Variants in EXOC6 observed in about 807,000 individuals in gnomAD.
The protein encoded by EXOC6 is SEC15-like 1.
In EXOC6, 60 loss-of-function variants were observed where a neutral mutation model predicts 112.5. The observed-to-expected ratio is 0.53, with a 90% confidence interval of 0.43 to 0.66. The LOEUF is 0.66. Among genes scored for constraint, EXOC6 ranks in the 30% least tolerant of loss-of-function variants. The pLI is 0.00. For missense variants in EXOC6, 855 were observed against 957.1 expected (o/e 0.89, Z 1.41); for synonymous variants, 295 against 308.0 (o/e 0.96, Z 0.44).
chr10:92,910,589 T>C (rs1850689808), intron 6 of EXOC6, among the ~76,000 whole-genome samples: 1 of 151,878 alleles, frequency 6.6e-6, no homozygotes, highest in Admixed American at 6.6e-5. Flanking sequence ...ATATACATCT[T>C]ACTTAAAAAA....
At chr10:92,961,571 A>G (rs1589920232) in intron 17 of EXOC6, among the ~76,000 whole-genome samples, 3 of 152,200 alleles carry the variant, frequency 2.0e-5, no homozygotes, top group African/African-American at 7.2e-5. Flanking sequence ...AATAAGGGAC[A>G]TGCTACTTTG....
chr10:92,865,666 C>T (rs1002723187), intron 1 of EXOC6, among the ~76,000 whole-genome samples: 7 of 151,794 alleles, frequency 4.6e-5, no homozygotes, highest in East Asian at 3.9e-4. Flanking sequence ...AGGCTGGTCT[C>T]GAACTTCTGG....
At chr10:93,037,144 CT>C (rs745466359) in intron 20 of EXOC6, among the ~76,000 whole-genome samples, 303 of 139,294 alleles carry the variant, frequency 2.2e-3, no homozygotes, top group Admixed American at 3.1e-3. Context: ...TCTTCTTCTA[CT>C]TTTTTTTTTT....
chr10:93,023,261 G>C (rs1291751766), intron 20 of EXOC6, among the ~76,000 whole-genome samples: 1 of 152,130 alleles, frequency 6.6e-6, no homozygotes, highest in Non-Finnish European at 1.5e-5. Flanking sequence ...TAGAGGAGTT[G>C]ATGACAAGTA....
In EXOC6 at chr10:92,850,540, A is replaced by G. The variant is rs572974885; in HGVS notation, c.101+1906A>G. 2.0e-4 allele frequency among the ~76,000 whole-genome samples: 31 copies of G among 152,324 alleles called. No homozygotes were observed. The South Asian group carries it at 6.4e-3, about 32-fold the overall frequency. ...TTTTTTTTCAGGTTTCACGAAGTGA[A>G]GTGTTAATATTGCATTTTTAAAAAC... On this transcript the variant is annotated intron_variant, in intron 1 of 21. Transcript: ENST00000260762.
At chr10:92,952,842 T>A (rs1173136938) in intron 15 of EXOC6, among the ~76,000 whole-genome samples, 2 of 152,176 alleles carry the variant, frequency 1.3e-5, no homozygotes, top group African/African-American at 4.8e-5. Context: ...CTTTATCCAA[T>A]CCAACATTGC....
At chr10:92,896,081 G>GTC (rs1564809515) in intron 4 of EXOC6, among the ~76,000 whole-genome samples, 1 of 84,412 alleles carries the variant, frequency 1.2e-5, no homozygotes, top group African/African-American at 4.5e-5. Flanking sequence ...GTATATATAT[G>GTC]TGTATATATA....
chr10:92,852,858 A>T (rs932753741), intron 1 of EXOC6, among the ~76,000 whole-genome samples: 1 of 152,190 alleles, frequency 6.6e-6, no homozygotes. Flanking sequence ...GAATGAGGTA[A>T]GGATATTCAT....
chr10:93,025,648 G>T (rs1326839766), intron 20 of EXOC6, among the ~76,000 whole-genome samples: 3 of 152,162 alleles, frequency 2.0e-5, no homozygotes, highest in Non-Finnish European at 2.9e-5. Context: ...AGAGAAAAGA[G>T]GAGTGGTCAT....
At chr10:92,910,773 C>A (rs1850703170) in intron 6 of EXOC6, among the ~76,000 whole-genome samples, 1 of 151,910 alleles carries the variant, frequency 6.6e-6, no homozygotes, top group Non-Finnish European at 1.5e-5. Context: ...ACTAAAAATA[C>A]AAAAAATTAG....
chr10:92,904,411 C>T (rs1051761966), intron 5 of EXOC6, among the ~76,000 whole-genome samples: 7 of 152,024 alleles, frequency 4.6e-5, no homozygotes, highest in Non-Finnish European at 8.8e-5. Context: ...ATTTTGCACT[C>T]CCTCCAGAAT....
At position 92,974,041 on chromosome 10, in the gene EXOC6, G is replaced by A. The variant is rs1247879166; in HGVS notation, c.1774-12G>A. 2 of 1,569,002 alleles carry A rather than the reference G, an allele frequency of 1.3e-6. No individual in the cohort carries two copies. The highest frequency in any genetic ancestry group is 2.4e-5 in the South Asian group (2 of 82,866). On this transcript the variant is annotated splice_polypyrimidine_tract_variant and intron_variant, in intron 17 of 21. Transcript: ENST00000260762. Reference sequence around the variant, plus strand: ...TGTTTCTTGTCTTTGTTGTTATTTTGTCCCATGTCAGGATGCTCGACATGC... The same window carrying A: ...TGTTTCTTGTCTTTGTTGTTATTTTATCCCATGTCAGGATGCTCGACATGC...
intron 1 of EXOC6, among the ~76,000 whole-genome samples, chr10:92,841,969 G>C (rs1846868156): frequency 6.6e-6 from 1 of 152,090 alleles, no homozygotes; most frequent in Non-Finnish European, 1.5e-5. Flanking sequence ...GATACAGCAA[G>C]ATCAAGATCT....
chr10:93,043,440 C>T (rs533557522), intron 20 of EXOC6, among the ~76,000 whole-genome samples: 1 of 152,148 alleles, frequency 6.6e-6, no homozygotes, highest in Non-Finnish European at 1.5e-5. Flanking sequence ...ATTTCTCTTT[C>T]TCTTCTTTGT....
At chr10:92,856,506 C>T (rs1273923827) in intron 1 of EXOC6, among the ~76,000 whole-genome samples, 1 of 152,034 alleles carries the variant, frequency 6.6e-6, no homozygotes, top group Non-Finnish European at 1.5e-5. Context: ...TCTAAAATGT[C>T]CTTCTGTTAT....
rs1346874108 is a variant in EXOC6 at position 92,934,163 on chromosome 10, A to AT, written c.993dup (p.Arg332Ter). The AT allele has an allele frequency of 6.5e-7, 1 of 1,542,640 alleles. No homozygotes were observed. The highest frequency in any genetic ancestry group is 2.3e-5 in the East Asian group (1 of 44,176). ...TTTAAGCATGAAACAGTTGATGGCT[A>AT]TAGAAGATATTTCACTCAAATTGTA... On this transcript the variant is annotated frameshift_variant, in exon 10 of 22. Transcript: ENST00000260762. LOFTEE classifies it high-confidence loss of function.
At chr10:92,900,393 CTTAA>C (rs1850096898) in intron 5 of EXOC6, 2 of 151,984 alleles carry the variant, frequency 1.3e-5, no homozygotes, top group African/African-American at 4.8e-5. Flanking sequence ...TTAGTAACTA[CTTAA>C]TTATCAGAAC....
intron 12 of EXOC6, among the ~76,000 whole-genome samples, chr10:92,936,236 A>G (rs959406858): frequency 6.6e-6 from 1 of 152,250 alleles, no homozygotes; most frequent in African/African-American, 2.4e-5. Context: ...AGTGGGTTCT[A>G]GAATCACATA....
chr10:92,852,745 A>G (rs928315223), intron 1 of EXOC6, among the ~76,000 whole-genome samples: 2 of 152,150 alleles, frequency 1.3e-5, no homozygotes, highest in Non-Finnish European at 2.9e-5. Flanking sequence ...ACCCTCAGAA[A>G]CTAGTAATGG....
Sources: allele counts gnomAD v4.1 joint callset (sites outside exome capture counted in the v4.1 genomes callset), GRCh38; gene constraint gnomAD v4.1.1; transcripts MANE v1.5; gene names NCBI Gene and HGNC (gene_info 2026-07-23, HGNC 2026-07-21).